The following PABPC4L variants were observed in gnomAD, a reference collection of about 807,000 sequenced individuals.
The protein encoded by PABPC4L is poly(A) binding protein cytoplasmic 4 like, also known as polyadenylate-binding protein 4-like.
For missense variants in PABPC4L, 452 were observed against 451.4 expected (o/e 1.00, Z -0.01); for synonymous variants, 169 against 164.1 (o/e 1.03, Z -0.23).
chr4:133,952,489 C>A, the PABPC4L span, among the ~76,000 whole-genome samples: 1 of 152,066 alleles, frequency 6.6e-6, no homozygotes, highest in Non-Finnish European at 1.5e-5. Context: ...GGTTTCTTGA[C>A]CGGGAGAATT....
the PABPC4L span, among the ~76,000 whole-genome samples, chr4:133,951,125 A>G: frequency 6.6e-6 from 1 of 152,154 alleles, no homozygotes; most frequent in Non-Finnish European, 1.5e-5. Flanking sequence ...TTTGTTTTCC[A>G]TTAATGACAA....
the PABPC4L span, among the ~76,000 whole-genome samples, chr4:133,950,558 C>G: frequency 4.6e-3 from 694 of 152,264 alleles, 8 homozygotes; most frequent in African/African-American, 0.013. Context: ...CATTAGTTCT[C>G]TCATTATGGG....
chr4:134,171,117 T>A, the PABPC4L span, among the ~76,000 whole-genome samples: 6 of 152,128 alleles, frequency 3.9e-5, no homozygotes, highest in Middle Eastern at 3.2e-3. Flanking sequence ...TTTTCATATG[T>A]TTTTGGCCAC....
chr4:134,177,575 A>G, the PABPC4L span, among the ~76,000 whole-genome samples: 1 of 152,252 alleles, frequency 6.6e-6, no homozygotes. Context: ...GGCCCTCACT[A>G]CTGGTAACCA....
the PABPC4L span, among the ~76,000 whole-genome samples, chr4:134,104,440 T>C: frequency 1.3e-5 from 2 of 151,432 alleles, no homozygotes. Flanking sequence ...CACCACCTAC[T>C]ACATACAGCA....
At chr4:134,192,895 G>A (rs539442082), downstream of PABPC4L, among the ~76,000 whole-genome samples, 2 of 152,096 alleles carry the variant, frequency 1.3e-5, no homozygotes, top group South Asian at 4.1e-4. Context: ...GAGAGTTGGA[G>A]GGGTACAGGT....
chr4:134,047,805 A>G, the PABPC4L span, among the ~76,000 whole-genome samples: 4 of 83,662 alleles, frequency 4.8e-5, no homozygotes, highest in Admixed American at 1.6e-4. Flanking sequence ...CTACAGCTGC[A>G]CCAGGGTTTT....
the PABPC4L span, among the ~76,000 whole-genome samples, chr4:134,038,709 TC>T: frequency 6.6e-6 from 1 of 152,130 alleles, no homozygotes; most frequent in Admixed American, 6.6e-5. Flanking sequence ...GATTCTTCTC[TC>T]TTTTCTTCTT....
chr4:134,078,218 T>G, the PABPC4L span, among the ~76,000 whole-genome samples: 4 of 152,196 alleles, frequency 2.6e-5, no homozygotes, highest in African/African-American at 9.6e-5. Flanking sequence ...TTCACCCATG[T>G]TCATGCATTC....
chr4:134,154,549 C>T, the PABPC4L span, among the ~76,000 whole-genome samples: 1 of 152,124 alleles, frequency 6.6e-6, no homozygotes, highest in South Asian at 2.1e-4. Flanking sequence ...TTTACCTTCT[C>T]ATTGATTCCT....
At chr4:133,949,651 C>T in the PABPC4L span, among the ~76,000 whole-genome samples, 1 of 152,162 alleles carries the variant, frequency 6.6e-6, no homozygotes, top group Admixed American at 6.5e-5. Context: ...CTTTGCACTC[C>T]TGTCTTCGTG....
At chr4:133,960,999 G>T in the PABPC4L span, among the ~76,000 whole-genome samples, 1 of 152,082 alleles carries the variant, frequency 6.6e-6, no homozygotes, top group East Asian at 1.9e-4. Context: ...TGAAAAAAGA[G>T]CGTGTACTCT....
chr4:134,005,522 T>C, the PABPC4L span, among the ~76,000 whole-genome samples: 69 of 151,992 alleles, frequency 4.5e-4, no homozygotes, highest in Admixed American at 2.1e-3. Context: ...TTATAAGGTA[T>C]ATTTTAGTAA....
chr4:134,099,268 A>C, the PABPC4L span, among the ~76,000 whole-genome samples: 1 of 151,704 alleles, frequency 6.6e-6, no homozygotes, highest in Non-Finnish European at 1.5e-5. Context: ...TTCTAAAACA[A>C]ATATGACTCT....
the PABPC4L span, among the ~76,000 whole-genome samples, chr4:134,064,590 TTTTG>T: frequency 1.3e-5 from 2 of 152,032 alleles, no homozygotes; most frequent in Non-Finnish European, 2.9e-5. Flanking sequence ...TCTTTTTTGG[TTTTG>T]TTTATTATTC....
At chr4:134,149,585 C>T in the PABPC4L span, among the ~76,000 whole-genome samples, 3 of 152,224 alleles carry the variant, frequency 2.0e-5, no homozygotes, top group South Asian at 6.2e-4. Context: ...TTGAAAAAGA[C>T]ATTTCTTGGG....
At chr4:134,056,948 C>T in the PABPC4L span, among the ~76,000 whole-genome samples, 32 of 152,108 alleles carry the variant, frequency 2.1e-4, no homozygotes, top group African/African-American at 7.7e-4. Context: ...CATAGATATT[C>T]TTGTCTTGTT....
chr4:133,986,280 TC>T, the PABPC4L span, among the ~76,000 whole-genome samples: 1 of 152,024 alleles, frequency 6.6e-6, no homozygotes, highest in African/African-American at 2.4e-5. Context: ...TTCAAAATTA[TC>T]CCTTTGAATA....
the PABPC4L span, among the ~76,000 whole-genome samples, chr4:133,956,482 C>T: frequency 3.3e-5 from 5 of 152,114 alleles, no homozygotes; most frequent in East Asian, 3.9e-4. Context: ...GACAAGTTAC[C>T]CCCAAATATG....
Sources: gnomAD v4.1 joint callset for allele counts (sites outside exome capture counted in the v4.1 genomes callset) on GRCh38, gnomAD v4.1.1 for gene constraint, MANE v1.5 for transcripts, NCBI Gene and HGNC (gene_info 2026-07-23, HGNC 2026-07-21) for gene names.